ASIC5: variants seen among roughly 807,000 people sequenced by gnomAD.
ASIC5 encodes the protein bile acid-sensitive ion channel.
ASIC5 carries 52 observed loss-of-function variants against 51.2 expected under a neutral mutation model. That is an observed-to-expected ratio of 1.02 (90% CI 0.81 to 1.28). ASIC5 has a LOEUF of 1.28. Among genes scored for constraint, ASIC5 ranks in the 50% most tolerant of loss-of-function variants. ASIC5 has a pLI of 0.00. For synonymous variants in ASIC5, 231 were observed against 200.7 expected, an observed-to-expected ratio of 1.15 and a Z score of -1.28; for missense variants, 635 against 595.0, an observed-to-expected ratio of 1.07 and a Z score of -0.70.
At chr4:155,852,112 A>G (rs1741394665) in intron 4 of ASIC5, 79 bp downstream of exon 4, 1 of 1,468,884 alleles carries the variant, frequency 6.8e-7, no homozygotes, top group South Asian at 1.2e-5. Flanking sequence ...GAACTATCTG[A>G]TATGGCCCAA....
chr4:155,845,543 A>T (rs1314052979), intron 4 of ASIC5, among the ~76,000 whole-genome samples: 2 of 152,060 alleles, frequency 1.3e-5, no homozygotes, highest in East Asian at 3.9e-4. Context: ...TGTTAAAAAA[A>T]AATTTAAGTG....
chr4:155,842,061 A>C, intron 6 of ASIC5, 146 bp downstream of exon 6: 1 of 684,470 alleles, frequency 1.5e-6, no homozygotes, highest in Non-Finnish European at 2.3e-6. Context: ...TTTTCTGTGA[A>C]TGGGTCAGCA....
chr4:155,832,493 C>T (rs547675449), intron 8 of ASIC5, among the ~76,000 whole-genome samples: 357 of 152,256 alleles, frequency 2.3e-3, no homozygotes, highest in Non-Finnish European at 4.0e-3. Context: ...TTATACATGA[C>T]CAGAGTGGCT....
chr4:155,858,364 A>T (rs1414515852), intron 2 of ASIC5, among the ~76,000 whole-genome samples: 2 of 152,136 alleles, frequency 1.3e-5, no homozygotes, highest in African/African-American at 4.8e-5. Flanking sequence ...TCTTTAATCA[A>T]TTACAAGTAA....
intron 4 of ASIC5, among the ~76,000 whole-genome samples, chr4:155,847,939 T>C (rs1157386569): frequency 1.3e-5 from 2 of 152,106 alleles, no homozygotes; most frequent in Non-Finnish European, 2.9e-5. Flanking sequence ...TGGACTCCTG[T>C]GTCAGATTAA....
chr4:155,849,918 G>A (rs1264559801), intron 4 of ASIC5, among the ~76,000 whole-genome samples: 3 of 151,824 alleles, frequency 2.0e-5, no homozygotes, highest in Non-Finnish European at 2.9e-5. Flanking sequence ...TTCCAGTATT[G>A]TTCTTTTTTT....
chr4:155,865,864 A>G (rs543527400), intron 1 of ASIC5, among the ~76,000 whole-genome samples: 1 of 152,246 alleles, frequency 6.6e-6, no homozygotes, highest in South Asian at 2.1e-4. Flanking sequence ...ATTTTGAGGA[A>G]CATCAAATCA....
At chr4:155,840,924 G>C (rs1741103300) in intron 6 of ASIC5, among the ~76,000 whole-genome samples, 2 of 151,698 alleles carry the variant, frequency 1.3e-5, no homozygotes, top group South Asian at 2.1e-4. Context: ...ATCTGGTTTT[G>C]TGACCCCTAC....
At chr4:155,830,320 T>C (rs986469323) in intron 9 of ASIC5, among the ~76,000 whole-genome samples, 6 of 152,142 alleles carry the variant, frequency 3.9e-5, no homozygotes, top group African/African-American at 1.4e-4. Flanking sequence ...AAAATCTCGG[T>C]AAATTCATTA....
chr4:155,854,395 T>G lies in ASIC5; in HGVS notation c.348-81A>C, dbSNP rs78405300. On this transcript the variant is annotated intron_variant, in intron 2 of 9. Transcript: ENST00000537611. ...AAGACAGATACCAACATCTAGATTC[T>G]ATTAGCTTCTTCTTATCTCCCACAC... 4.4e-3 allele frequency: 4,325 copies of G among 993,380 alleles called. 92 individuals are homozygous for G. In the African/African-American group the frequency reaches 0.056, roughly 13 times the overall value. The allele number at this position is 993,380 out of a possible 1,614,324, so 61.5% of individuals were successfully genotyped here. A position where few individuals can be genotyped will look rare whatever the true frequency, so the allele number is the denominator to read the frequency against.
chr4:155,833,123 C>G (rs1229500748), intron 8 of ASIC5, among the ~76,000 whole-genome samples: 5 of 152,074 alleles, frequency 3.3e-5, no homozygotes, highest in Admixed American at 6.6e-5. Flanking sequence ...ATCTCTAATA[C>G]CTAGACGACT....
At chr4:155,861,612 A>C (rs1741707564) in intron 2 of ASIC5, among the ~76,000 whole-genome samples, 1 of 152,040 alleles carries the variant, frequency 6.6e-6, no homozygotes, top group African/African-American at 2.4e-5. Context: ...TTTCTAAAAA[A>C]ATCCATTCTG....
intron 5 of ASIC5, 111 bp downstream of exon 5, chr4:155,843,570 T>C: frequency 8.1e-7 from 1 of 1,239,222 alleles, no homozygotes; most frequent in Non-Finnish European, 1.1e-6. Flanking sequence ...ATTTTGGAAT[T>C]TCTAATGGTG....
chr4:155,856,257 G>A (rs1741536501), intron 2 of ASIC5, among the ~76,000 whole-genome samples: 1 of 152,032 alleles, frequency 6.6e-6, no homozygotes, highest in East Asian at 1.9e-4. Flanking sequence ...TCTGCCTCAT[G>A]TCACTAATTT....
chr4:155,838,926 T>A, intron 6 of ASIC5, 57 bp from the exon 7 acceptor site: 1 of 971,986 alleles, frequency 1.0e-6, no homozygotes, highest in African/African-American at 1.7e-5. Context: ...ATAAGTGATC[T>A]AATGACAAAA....
At chr4:155,858,192 C>G (rs529263778) in intron 2 of ASIC5, among the ~76,000 whole-genome samples, 16 of 151,832 alleles carry the variant, frequency 1.1e-4, no homozygotes, top group Non-Finnish European at 1.6e-4. Flanking sequence ...GAATTGATAC[C>G]AAAGAACCAA....
At chr4:155,866,080 A>G (rs1741855454) in intron 1 of ASIC5, 107 bp downstream of exon 1, 4 of 668,562 alleles carry the variant, frequency 6.0e-6, no homozygotes, top group South Asian at 2.4e-5. Context: ...TTCAAGTAAC[A>G]TTGGAAATCA....
chr4:155,856,862 T>C (rs991992642), intron 2 of ASIC5, among the ~76,000 whole-genome samples: 5 of 152,018 alleles, frequency 3.3e-5, no homozygotes, highest in African/African-American at 1.2e-4. Flanking sequence ...ATATTCAAAA[T>C]GATTATGCAG....
intron 2 of ASIC5, among the ~76,000 whole-genome samples, chr4:155,857,156 A>G (rs1051173211): frequency 6.6e-6 from 1 of 151,986 alleles, no homozygotes; most frequent in Admixed American, 6.6e-5. Flanking sequence ...CAGAGTCTCA[A>G]TTTGTTGCCC....
Sources: allele counts gnomAD v4.1 joint callset (sites outside exome capture counted in the v4.1 genomes callset), GRCh38; gene constraint gnomAD v4.1.1; transcripts MANE v1.5; gene names NCBI Gene and HGNC (gene_info 2026-07-23, HGNC 2026-07-21).